The following ZNF804B variants were observed in gnomAD, a reference collection of about 807,000 sequenced individuals.
The protein encoded by ZNF804B is zinc finger protein 804B, also known as zinc finger 804B.
Under a neutral mutation model 101.4 loss-of-function variants are expected in ZNF804B, and 80 were observed. The ratio of observed to expected loss-of-function variants is 0.79; its 90% CI spans 0.66 to 0.95. The LOEUF is 0.95. Ranked by LOEUF, ZNF804B falls within the 40% of genes least tolerant of loss-of-function variation. ZNF804B has a pLI of 0.00. For synonymous variants in ZNF804B, 622 were observed against 558.8 expected, an observed-to-expected ratio of 1.11 and a Z score of -1.59; for missense variants, 1,673 against 1,561.9, an observed-to-expected ratio of 1.07 and a Z score of -1.20.
chr7:89,212,939 A>G (rs145281175), intron 1 of ZNF804B, among the ~76,000 whole-genome samples: 38 of 152,250 alleles, frequency 2.5e-4, no homozygotes, highest in African/African-American at 8.2e-4. Flanking sequence ...TATATTTGCC[A>G]TGTGGTATAC....
At chr7:89,074,363 A>G (rs1363177835) in intron 1 of ZNF804B, among the ~76,000 whole-genome samples, 1 of 152,180 alleles carries the variant, frequency 6.6e-6, no homozygotes. Context: ...ATGTGTCATG[A>G]GAGGAACCCA....
chr7:88,913,567 T>G (rs1015729842), intron 1 of ZNF804B, among the ~76,000 whole-genome samples: 8 of 152,264 alleles, frequency 5.3e-5, no homozygotes, highest in African/African-American at 1.7e-4. Context: ...GTTAATTTTT[T>G]TGTTTTTTAG....
chr7:88,953,262 T>G (rs553120780), intron 1 of ZNF804B, among the ~76,000 whole-genome samples: 76 of 151,858 alleles, frequency 5.0e-4, no homozygotes, highest in Non-Finnish European at 7.5e-4. Context: ...TGATTTGCTC[T>G]GAAACATGTC....
In ZNF804B at chr7:89,130,899, A is replaced by G. The variant is rs760229977; in HGVS notation, c.109-87256A>G. On this transcript the variant is annotated intron_variant, in intron 1 of 3. Coordinates refer to ENST00000333190, the MANE Select transcript of ZNF804B (RefSeq NM_181646.5). The stretch of plus-strand genomic sequence containing the variant: ...CAATCATCTAAGCAGTCTTATCCCA[A>G]TCTTCCTGTATTTTAGGAACTGAAC... Among the ~76,000 whole-genome samples the G allele has an allele frequency of 7.0e-4, 106 of 152,056 alleles. 1 individual carries two copies. Among genetic ancestry groups the G allele is most frequent in the Middle Eastern group, 6.8e-3 (2 of 294 alleles).
intron 2 of ZNF804B, among the ~76,000 whole-genome samples, chr7:89,267,035 TGAG>T (rs1789806675): frequency 6.6e-6 from 1 of 152,178 alleles, no homozygotes; most frequent in Admixed American, 6.5e-5. Flanking sequence ...CCCTGAGAAT[TGAG>T]GAGTTCACTG....
intron 2 of ZNF804B, among the ~76,000 whole-genome samples, chr7:89,324,607 C>CTTTT (rs35905388): frequency 1.2e-3 from 126 of 109,540 alleles, no homozygotes; most frequent in African/African-American, 4.1e-3. Flanking sequence ...TACCTTCTTA[C>CTTTT]TTTTTTTTTT....
At chr7:89,261,268 TG>T (rs1261229250) in intron 2 of ZNF804B, among the ~76,000 whole-genome samples, 1 of 152,196 alleles carries the variant, frequency 6.6e-6, no homozygotes, top group Non-Finnish European at 1.5e-5. Context: ...TTTAACTTTT[TG>T]TAATAGACTT....
In ZNF804B at chr7:89,162,941, C is replaced by G. The variant is rs558726546; in HGVS notation, c.109-55214C>G. On this transcript the variant is annotated intron_variant, in intron 1 of 3. Transcript: ENST00000333190. ...ATGTGGTGTTCGGTTTTTTGTTCTT[C>G]CGATAGTTTACTGAGAATGATGATT... Among the ~76,000 whole-genome samples the G allele has an allele frequency of 7.5e-5, 11 of 145,880 alleles. No individual in the cohort carries two copies. The South Asian group carries it at 2.1e-3, about 28-fold the overall frequency.
chr7:88,950,490 T>G (rs1021029192), intron 1 of ZNF804B, among the ~76,000 whole-genome samples: 14 of 122,332 alleles, frequency 1.1e-4, no homozygotes, highest in Non-Finnish European at 2.2e-4. Context: ...GAAAACAGAT[T>G]ATTTATTTCC....
chr7:89,232,577 C>A (rs1789208604), intron 2 of ZNF804B, among the ~76,000 whole-genome samples: 1 of 152,084 alleles, frequency 6.6e-6, no homozygotes, highest in African/African-American at 2.4e-5. Flanking sequence ...TGAGATCATT[C>A]TATTTCTTCT....
At chr7:89,264,067 T>A (rs1767348591) in intron 2 of ZNF804B, among the ~76,000 whole-genome samples, 1 of 152,188 alleles carries the variant, frequency 6.6e-6, no homozygotes, top group South Asian at 2.1e-4. Context: ...CTTAATTTCC[T>A]CCTTGTCACT....
intron 1 of ZNF804B, among the ~76,000 whole-genome samples, chr7:89,051,738 A>G (rs924874382): frequency 2.6e-5 from 4 of 152,074 alleles, no homozygotes; most frequent in South Asian, 2.1e-4. Context: ...TTGTTTATCA[A>G]ATATATTAAC....
At chr7:89,044,268 G>A (rs571882223) in intron 1 of ZNF804B, among the ~76,000 whole-genome samples, 21 of 152,212 alleles carry the variant, frequency 1.4e-4, no homozygotes, top group African/African-American at 2.9e-4. Flanking sequence ...TTCCCCTTTC[G>A]CCATGATTGT....
chr7:89,005,160 C>A (rs546586031), intron 1 of ZNF804B, among the ~76,000 whole-genome samples: 36 of 152,060 alleles, frequency 2.4e-4, no homozygotes, highest in Non-Finnish European at 4.9e-4. Context: ...CAAAGCTAAA[C>A]ATTTATTCTT....
intron 1 of ZNF804B, among the ~76,000 whole-genome samples, chr7:88,919,775 C>A (rs1792692611): frequency 6.6e-6 from 1 of 152,094 alleles, no homozygotes; most frequent in African/African-American, 2.4e-5. Context: ...TGTAATAATT[C>A]TGATTAACAG....
chr7:88,912,841 T>G (rs1292607820), intron 1 of ZNF804B, among the ~76,000 whole-genome samples: 1 of 152,186 alleles, frequency 6.6e-6, no homozygotes, highest in Admixed American at 6.6e-5. Flanking sequence ...TGATTCCAAA[T>G]ATTGTGCGCA....
At chr7:88,910,199 C>G (rs1304462910) in intron 1 of ZNF804B, among the ~76,000 whole-genome samples, 1 of 151,858 alleles carries the variant, frequency 6.6e-6, no homozygotes, top group South Asian at 2.1e-4. Flanking sequence ...TTATCTCTCA[C>G]CATTGGGAAT....
At chr7:88,926,938 G>GCGGCGGC (rs113089451) in intron 1 of ZNF804B, among the ~76,000 whole-genome samples, 3 of 142,706 alleles carry the variant, frequency 2.1e-5, no homozygotes, top group African/African-American at 8.6e-5. Flanking sequence ...CCGGGTGGTG[G>GCGGCGGC]GGAGCGGGGG....
At chr7:89,002,637 T>A (rs964171037) in intron 1 of ZNF804B, among the ~76,000 whole-genome samples, 3 of 152,016 alleles carry the variant, frequency 2.0e-5, no homozygotes, top group Admixed American at 2.0e-4. Context: ...ATCATGTTAT[T>A]TACCTCTAAT....
Sources: allele counts gnomAD v4.1 joint callset (sites outside exome capture counted in the v4.1 genomes callset), GRCh38; gene constraint gnomAD v4.1.1; transcripts MANE v1.5; gene names NCBI Gene and HGNC (gene_info 2026-07-23, HGNC 2026-07-21).